PIK3C2G: variants seen among roughly 807,000 people sequenced by gnomAD.
The protein encoded by PIK3C2G is phosphatidylinositol-4-phosphate 3-kinase catalytic subunit type 2 gamma.
A neutral mutation model predicts 181.1 loss-of-function variants in PIK3C2G; 168 were observed. The observed-to-expected ratio is 0.93, with a 90% CI of 0.82 to 1.05. PIK3C2G has a LOEUF of 1.05. PIK3C2G is among the 50% of genes least tolerant of loss of function. PIK3C2G has a pLI of 0.00. For missense variants in PIK3C2G, 1,869 were observed against 1,732.8 expected (o/e 1.08, Z -1.40); for synonymous variants, 573 against 592.2 (o/e 0.97, Z 0.47).
At chr12:18,565,061 G>A (rs1445156302) in intron 28 of PIK3C2G, among the ~76,000 whole-genome samples, 1 of 152,126 alleles carries the variant, frequency 6.6e-6, no homozygotes, top group Non-Finnish European at 1.5e-5. Flanking sequence ...GCAACCTGTG[G>A]AGGCAAGGAA....
At chr12:18,586,163 C>A (rs1196359708) in intron 29 of PIK3C2G, among the ~76,000 whole-genome samples, 3 of 151,816 alleles carry the variant, frequency 2.0e-5, no homozygotes, top group African/African-American at 7.2e-5. Flanking sequence ...GCAAACCAAC[C>A]CCAAAGCTAG....
intron 18 of PIK3C2G, among the ~76,000 whole-genome samples, chr12:18,467,896 G>A (rs1365427439): frequency 6.6e-6 from 1 of 151,950 alleles, no homozygotes; most frequent in Non-Finnish European, 1.5e-5. Flanking sequence ...ATTGACCCTA[G>A]GCTCATGATA....
chr12:18,714,939 A>G, the PIK3C2G span: 1 of 151,908 alleles, frequency 6.6e-6, no homozygotes, highest in Non-Finnish European at 1.5e-5. Context: ...CCAAGTACTT[A>G]TATAAAATCA....
At chr12:18,298,291 T>C (rs766318937) in intron 5 of PIK3C2G, among the ~76,000 whole-genome samples, 38 of 151,948 alleles carry the variant, frequency 2.5e-4, no homozygotes, top group Non-Finnish European at 4.4e-4. Context: ...GATTTGAACA[T>C]TTTTTATATA....
chr12:18,534,954 T>C (rs1203946113), intron 24 of PIK3C2G, among the ~76,000 whole-genome samples: 1 of 152,074 alleles, frequency 6.6e-6, no homozygotes, highest in African/African-American at 2.4e-5. Context: ...CTATAGTTTA[T>C]TTTTATAGCT....
chr12:18,455,809 A>G (rs1048862498), intron 18 of PIK3C2G, among the ~76,000 whole-genome samples: 1 of 152,170 alleles, frequency 6.6e-6, no homozygotes, highest in African/African-American at 2.4e-5. Context: ...TTCACCTCTT[A>G]ATATCATCAC....
At chr12:18,442,816 CTTGAG>C (rs1946817242) in intron 18 of PIK3C2G, among the ~76,000 whole-genome samples, 1 of 151,754 alleles carries the variant, frequency 6.6e-6, no homozygotes, top group African/African-American at 2.4e-5. Flanking sequence ...TTTATATAGA[CTTGAG>C]TTAGATCTGA....
At position 18,496,123 on chromosome 12, in the gene PIK3C2G, C is replaced by T. The variant is rs12312266; in HGVS notation, c.2855C>T (p.Pro952Leu). 386,621 of 1,530,310 alleles carry T rather than the reference C, an allele frequency of 0.25. 53,001 individuals are homozygous for T. The highest frequency in any genetic ancestry group is 0.47 in the African/African-American group (34,142 of 72,194). 94.8% of individuals were successfully genotyped at this position (1,530,310 alleles called of 1,614,324 possible). A position where few individuals can be genotyped will look rare whatever the true frequency, so the allele number is the denominator to read the frequency against. Residue 952 changes from proline (P) to leucine (L), a missense_variant, in exon 21 of 33, where the codon CCG becomes CTG. Physicochemically the swap from Pro to Leu is moderately conservative, Grantham distance 98. Transcript: ENST00000538779. ...AAGATTACTTTCATCAATGCTAATC[C>T]GATGGGCAAAAACATCAGCATTATT... ...PLKITFINAN[P>L]MGKNISIIFK...
At chr12:18,399,903 G>A (rs887149559) in intron 16 of PIK3C2G, 56 bp downstream of exon 16, 44 of 1,029,532 alleles carry the variant, frequency 4.3e-5, no homozygotes, top group Middle Eastern at 2.2e-4. Flanking sequence ...TGCTTGAAGA[G>A]AACTATAGAA....
intron 30 of PIK3C2G, among the ~76,000 whole-genome samples, chr12:18,600,000 C>A (rs1947620179): frequency 6.6e-6 from 1 of 151,846 alleles, no homozygotes; most frequent in Non-Finnish European, 1.5e-5. Context: ...TAGTAGGATA[C>A]TCTATTTCAC....
intron 24 of PIK3C2G, among the ~76,000 whole-genome samples, chr12:18,505,773 G>A (rs1166265921): frequency 1.3e-5 from 2 of 152,140 alleles, no homozygotes; most frequent in Non-Finnish European, 2.9e-5. Flanking sequence ...TGGACAATGA[G>A]GTATGAATTG....
intron 18 of PIK3C2G, among the ~76,000 whole-genome samples, chr12:18,461,177 C>A (rs1392083797): frequency 6.6e-6 from 1 of 152,100 alleles, no homozygotes; most frequent in Non-Finnish European, 1.5e-5. Context: ...ATACAGCCTA[C>A]CTTCAGCATC....
At chr12:18,689,603 T>A in the PIK3C2G span, among the ~76,000 whole-genome samples, 1 of 152,152 alleles carries the variant, frequency 6.6e-6, no homozygotes, top group African/African-American at 2.4e-5. Flanking sequence ...ATTAACAAAT[T>A]TGTTTGTACA....
At chr12:18,349,769 G>T (rs921432719) in intron 11 of PIK3C2G, among the ~76,000 whole-genome samples, 12 of 152,062 alleles carry the variant, frequency 7.9e-5, no homozygotes, top group Non-Finnish European at 1.5e-4. Flanking sequence ...CATATTGTTA[G>T]TTCTCCCCCA....
chr12:18,421,806 G>A (rs560434321), intron 17 of PIK3C2G, among the ~76,000 whole-genome samples: 72 of 151,238 alleles, frequency 4.8e-4, no homozygotes, highest in African/African-American at 1.6e-3. Flanking sequence ...TAGTTTGAAT[G>A]TCAGTTGCCT....
chr12:18,265,738 G>C (rs573027748), intron 1 of PIK3C2G, among the ~76,000 whole-genome samples: 86 of 152,106 alleles, frequency 5.7e-4, no homozygotes, highest in South Asian at 1.0e-3. Context: ...AATAGGCTGG[G>C]CGTGGTGGCT....
At chr12:18,631,282 C>G (rs983874088) in intron 31 of PIK3C2G, among the ~76,000 whole-genome samples, 2 of 152,144 alleles carry the variant, frequency 1.3e-5, no homozygotes, top group African/African-American at 4.8e-5. Context: ...TGTTAAAGGA[C>G]AAACTAAGCC....
intron 18 of PIK3C2G, among the ~76,000 whole-genome samples, chr12:18,477,259 G>A (rs1258671374): frequency 6.6e-6 from 1 of 152,120 alleles, no homozygotes; most frequent in Non-Finnish European, 1.5e-5. Context: ...AGTTTTGGGA[G>A]AGGACACAAT....
At chr12:18,286,476 A>T (rs1291920260) in intron 2 of PIK3C2G, among the ~76,000 whole-genome samples, 1 of 152,134 alleles carries the variant, frequency 6.6e-6, no homozygotes, top group Admixed American at 6.5e-5. Context: ...CATGTGTATC[A>T]TTACATAGAA....
Sources: gnomAD v4.1 joint callset for allele counts (sites outside exome capture counted in the v4.1 genomes callset) on GRCh38, gnomAD v4.1.1 for gene constraint, MANE v1.5 for transcripts, NCBI Gene and HGNC (gene_info 2026-07-23, HGNC 2026-07-21) for gene names.